The following BBS9 variants were observed in gnomAD, a reference collection of about 807,000 sequenced individuals.
BBS9 encodes Bardet-Biedl syndrome 9, also known as protein PTHB1.
In BBS9, 89 loss-of-function variants were observed where a neutral mutation model predicts 117.7. The ratio of observed to expected loss-of-function variants is 0.76; its 90% confidence interval spans 0.64 to 0.90. The LOEUF (loss-of-function observed/expected upper bound fraction) is 0.90, where lower values mean the gene tolerates loss of function less well. Among genes scored for constraint, BBS9 ranks in the 40% least tolerant of loss-of-function variants. The probability of loss-of-function intolerance (pLI) is 0.00; values close to 1 mark genes in which losing one functional copy is unlikely to be tolerated. For synonymous variants in BBS9, 379 were observed against 370.9 expected (o/e 1.02, Z -0.25); for missense variants, 982 against 1,042.2 (o/e 0.94, Z 0.80).
Position 33,154,508 on chromosome 7 carries a change from C to T in BBS9, c.264-1130C>T, listed in dbSNP as rs566473298. 3.3e-5 allele frequency among the ~76,000 whole-genome samples: 5 copies of T among 152,222 alleles called. No individual in the cohort carries two copies. In the South Asian group the frequency reaches 1.0e-3, roughly 32 times the overall value. On this transcript the variant is annotated intron_variant, in intron 3 of 22. Coordinates refer to ENST00000242067, the MANE Select transcript of BBS9 (RefSeq NM_198428.3). Reference sequence around the variant, plus strand: ...GAGGCGGAGTTTCACTCTCGTCGCCCAGACTGGAGTGCAATGGCGTGATCT... The same window carrying T: ...GAGGCGGAGTTTCACTCTCGTCGCCTAGACTGGAGTGCAATGGCGTGATCT...
intron 5 of BBS9, among the ~76,000 whole-genome samples, chr7:33,237,726 A>G (rs756029352): frequency 4.6e-5 from 7 of 152,200 alleles, no homozygotes; most frequent in Non-Finnish European, 1.0e-4. Context: ...CATTTGGCTA[A>G]TGGAAGATTT....
chr7:33,505,541 C>A lies in BBS9; in HGVS notation c.2194C>A (p.His732Asn). 1 of 1,614,160 alleles carries A rather than the reference C, an allele frequency of 6.2e-7. No individual in the cohort carries two copies. The highest frequency in any genetic ancestry group is 8.5e-7 in the Non-Finnish European group (1 of 1,179,988). Residue 732 changes from histidine to asparagine, a missense_variant, in exon 20 of 23, where the codon CAT becomes AAT. His to Asn is a moderately conservative substitution (Grantham distance 68). Transcript: ENST00000242067. ...ATTCACCAGGCTGAAGAGTGCCACC[C>A]ATTTGGTGATTCTGCTGATCGCGCT... ...QSFTRLKSAT[H>N]LVILLIALWQ...
intron 21 of BBS9, among the ~76,000 whole-genome samples, chr7:33,570,886 G>A (rs1857667145): frequency 6.6e-6 from 1 of 152,180 alleles, no homozygotes; most frequent in Non-Finnish European, 1.5e-5. Context: ...AGGAGTGCCA[G>A]TGTCATGAAG....
chr7:33,134,948 A>G (rs1160890133), intron 1 of BBS9, among the ~76,000 whole-genome samples: 1 of 152,162 alleles, frequency 6.6e-6, no homozygotes, highest in Non-Finnish European at 1.5e-5. Context: ...GCTGGAGTGC[A>G]GTGGTGCAAT....
At chr7:33,164,028 G>A (rs1795276795) in intron 4 of BBS9, among the ~76,000 whole-genome samples, 1 of 152,084 alleles carries the variant, frequency 6.6e-6, no homozygotes, top group African/African-American at 2.4e-5. Flanking sequence ...TTGGTACGTT[G>A]TGTCTTTGTT....
At position 33,273,217 on chromosome 7, in the gene BBS9, T is replaced by C. The variant is rs1052771322; in HGVS notation, c.886+22T>C. On this transcript the variant is annotated intron_variant, in intron 8 of 22. Transcript: ENST00000242067. ...TCAGGTGTGTAGAAAGATTTTCTTTTATCTCTTCCATATGTCAAGGCTATG... is the reference window on the plus strand; with the variant it reads ...TCAGGTGTGTAGAAAGATTTTCTTTCATCTCTTCCATATGTCAAGGCTATG... The C allele has an allele frequency of 6.2e-6, 10 of 1,612,562 alleles. No individual in the cohort carries two copies. In the African/African-American group the frequency reaches 1.3e-4, roughly 22 times the overall value.
At chr7:33,439,696 T>C (rs1027116766) in intron 19 of BBS9, among the ~76,000 whole-genome samples, 1 of 152,042 alleles carries the variant, frequency 6.6e-6, no homozygotes, top group African/African-American at 2.4e-5. Flanking sequence ...GCCCAGCTAA[T>C]TTTTGTATTT....
chr7:33,447,020 A>G (rs1184254478), intron 19 of BBS9, among the ~76,000 whole-genome samples: 4 of 152,248 alleles, frequency 2.6e-5, no homozygotes, highest in Non-Finnish European at 5.9e-5. Flanking sequence ...AATTTATATG[A>G]TAATCAAAGA....
chr7:33,542,780 T>C (rs1278154194), intron 21 of BBS9, among the ~76,000 whole-genome samples: 3 of 137,056 alleles, frequency 2.2e-5, no homozygotes, highest in Admixed American at 1.5e-4. Flanking sequence ...TGAGTATATA[T>C]ATATATATGT....
At chr7:33,368,456 G>A (rs1008081693) in intron 17 of BBS9, among the ~76,000 whole-genome samples, 1 of 152,030 alleles carries the variant, frequency 6.6e-6, no homozygotes, top group African/African-American at 2.4e-5. Flanking sequence ...TGTAAAACTA[G>A]CTCTTGACAT....
At chr7:33,302,726 T>G (rs553178978) in intron 9 of BBS9, among the ~76,000 whole-genome samples, 2 of 152,356 alleles carry the variant, frequency 1.3e-5, no homozygotes, top group Non-Finnish European at 2.9e-5. Flanking sequence ...CTTTCAGTTT[T>G]GTTCTTCTTG....
intron 5 of BBS9, among the ~76,000 whole-genome samples, chr7:33,198,571 G>A (rs1177549512): frequency 6.6e-6 from 1 of 151,916 alleles, no homozygotes; most frequent in African/African-American, 2.4e-5. Flanking sequence ...AAAGAAACTA[G>A]CTTTTTTTCC....
At chr7:33,488,249 G>T (rs1006900772) in intron 19 of BBS9, among the ~76,000 whole-genome samples, 1 of 152,098 alleles carries the variant, frequency 6.6e-6, no homozygotes, top group African/African-American at 2.4e-5. Flanking sequence ...ATGCCTTGTA[G>T]GTAATAAGTG....
In BBS9 at chr7:33,367,814, C is replaced by T. The variant is rs537110423; in HGVS notation, c.1741C>T (p.His581Tyr). The T allele has an allele frequency of 8.7e-6, 14 of 1,613,828 alleles. No individual in the cohort carries two copies. In the East Asian group the frequency reaches 1.8e-4, roughly 21 times the overall value. ...TGATCAGGTGAATGTAATGGGTTTT[C>T]ACTTCTTAGGAGGTGCTCGAATTAC... The part of the protein sequence containing the change: ...DDDQVNVMGF[H>Y]FLGGARITVL... Residue 581 changes from histidine to tyrosine, a missense_variant, in exon 17 of 23, where the codon CAC becomes TAC. Transcript: ENST00000242067.
chr7:33,590,911 A>G (rs1205712940), intron 21 of BBS9, among the ~76,000 whole-genome samples: 1 of 152,070 alleles, frequency 6.6e-6, no homozygotes, highest in Non-Finnish European at 1.5e-5. Flanking sequence ...CTGACGGTTT[A>G]GCTCCAGAGG....
chr7:33,157,259 C>G (rs757714950), intron 4 of BBS9, among the ~76,000 whole-genome samples: 3 of 152,112 alleles, frequency 2.0e-5, no homozygotes, highest in Admixed American at 6.6e-5. Context: ...ATCAGAAAAA[C>G]GTACTGAAAG....
chr7:33,268,982 A>G lies in BBS9; in HGVS notation c.703-4030A>G, dbSNP rs537976432. Among the ~76,000 whole-genome samples the G allele has an allele frequency of 3.3e-5, 5 of 152,334 alleles. No individual in the cohort carries two copies. The South Asian group carries it at 1.0e-3, about 32-fold the overall frequency. On this transcript the variant is annotated intron_variant, in intron 7 of 22. Coordinates refer to ENST00000242067, the MANE Select transcript of BBS9 (RefSeq NM_198428.3). ...GAGTCATTTTATATAGGTAAGCAAT[A>G]CTTGAGCCAAATAGTAATCAAATAA...
At chr7:33,295,441 T>C (rs1384827238) in intron 9 of BBS9, among the ~76,000 whole-genome samples, 1 of 151,720 alleles carries the variant, frequency 6.6e-6, no homozygotes, top group South Asian at 2.1e-4. Context: ...AGAAACCAGA[T>C]TTTTTTGTGA....
downstream of BBS9, among the ~76,000 whole-genome samples, chr7:33,606,979 TA>T (rs1440139636): frequency 6.6e-6 from 1 of 152,128 alleles, no homozygotes; most frequent in Non-Finnish European, 1.5e-5. Flanking sequence ...TGTCTCCTCT[TA>T]AGGTTCTCCT....
Sources: gnomAD v4.1 joint callset for allele counts (sites outside exome capture counted in the v4.1 genomes callset) on GRCh38, gnomAD v4.1.1 for gene constraint, MANE v1.5 for transcripts, NCBI Gene and HGNC (gene_info 2026-07-23, HGNC 2026-07-21) for gene names.